ROCK2: variants seen among roughly 807,000 people sequenced by gnomAD.
ROCK2 encodes the protein rho-associated protein kinase 2.
ROCK2 carries 61 observed loss-of-function variants against 195.1 expected under a neutral mutation model. The observed-to-expected ratio is 0.31, with a 90% confidence interval of 0.25 to 0.39. The LOEUF (loss-of-function observed/expected upper bound fraction) is 0.39. Among genes scored for constraint, ROCK2 ranks in the 10% least tolerant of loss-of-function variants. ROCK2 has a pLI of 1.00. For synonymous variants in ROCK2, 504 were observed against 545.5 expected, an observed-to-expected ratio of 0.92 and a Z score of 1.06; for missense variants, 1,109 against 1,637.4, an observed-to-expected ratio of 0.68 and a Z score of 5.57.
At chr2:11,271,480 ATTTG>A (rs1666627515) in intron 3 of ROCK2, among the ~76,000 whole-genome samples, 1 of 151,008 alleles carries the variant, frequency 6.6e-6, no homozygotes, top group East Asian at 1.9e-4. Context: ...AGCCATGGCT[ATTTG>A]TTTGTCTCTC....
At chr2:11,270,022 A>T (rs1226637117) in intron 3 of ROCK2, among the ~76,000 whole-genome samples, 2 of 152,238 alleles carry the variant, frequency 1.3e-5, no homozygotes, top group African/African-American at 4.8e-5. Context: ...CCAAAGTGCC[A>T]GGATTACACG....
rs928312116 is a variant in ROCK2, at chr2:11,197,598, C to T, written c.3207G>A (p.Glu1069=). 5 of 1,613,762 alleles carry T rather than the reference C, an allele frequency of 3.1e-6. No homozygotes were observed. In the African/African-American group the frequency reaches 5.3e-5, roughly 17 times the overall value. Residue 1069 remains glutamate (E), a synonymous_variant, in exon 26 of 33, where the codon GAG becomes GAA. Coordinates refer to ENST00000315872, the MANE Select transcript of ROCK2 (RefSeq NM_004850.5). The surrounding 1 kb of genome is among the most constrained non-coding windows in gnomAD (Gnocchi z 4.9). ...TCAATTTCTCACGTTCAGATTTAAGCTCCATATGTAGCTTTCTATTCTCCT... is the reference window on the plus strand; with the variant it reads ...TCAATTTCTCACGTTCAGATTTAAGTTCCATATGTAGCTTTCTATTCTCCT... ...KEKENRKLHM[E]LKSEREKLTQ...
chr2:11,252,477 T>C (rs1049329210), intron 3 of ROCK2, among the ~76,000 whole-genome samples: 3 of 151,978 alleles, frequency 2.0e-5, no homozygotes, highest in Non-Finnish European at 4.4e-5. Context: ...TTATAAATCA[T>C]TCTACTATGA....
chr2:11,215,132 T>C, intron 15 of ROCK2, 46 bp from the exon 16 acceptor site: 2 of 1,598,550 alleles, frequency 1.3e-6, no homozygotes, highest in Non-Finnish European at 1.7e-6. Context: ...AACACACATG[T>C]ATGTAATGAA....
intron 4 of ROCK2, among the ~76,000 whole-genome samples, chr2:11,238,714 C>T (rs77607417): frequency 1.0e-3 from 155 of 152,054 alleles, no homozygotes; most frequent in African/African-American, 3.5e-3. Context: ...CAGGAATGGT[C>T]GCACACCTGT....
In ROCK2 at chr2:11,194,319, A is replaced by G; in HGVS notation, c.3545T>C (p.Ile1182Thr). The stretch of plus-strand genomic sequence containing the variant: ...ATCTTGTTCACTGTCATAGAAAAGA[A>G]TCTTCTTACTGCTTACAATCACATA... ...KKYVIVSSKK[I>T]LFYDSEQDKE... Residue 1182 changes from isoleucine to threonine, a missense_variant, in exon 29 of 33, where the codon ATT (isoleucine) becomes ACT (threonine). Ile to Thr is a moderately conservative substitution (Grantham distance 89). Transcript: ENST00000315872. 1 of 1,462,048 alleles carries G rather than the reference A, an allele frequency of 6.8e-7. No individual in the cohort carries two copies. The highest frequency in any genetic ancestry group is 9.3e-7 in the Non-Finnish European group (1 of 1,079,884). The allele number at this position is 1,462,048 out of a possible 1,614,324, so 90.6% of individuals were successfully genotyped here.
chr2:11,218,546 T>G, intron 10 of ROCK2, 80 bp from the exon 11 acceptor site: 1 of 1,003,582 alleles, frequency 1.0e-6, no homozygotes. Context: ...ACACAAACCA[T>G]AACAAAATTA....
rs1276532696 is a variant in ROCK2, at chr2:11,201,282, C to G, written c.2723+28G>C. The G allele has an allele frequency of 1.9e-6, 3 of 1,551,802 alleles. No homozygotes were observed. The highest frequency in any genetic ancestry group is 2.7e-6 in the Non-Finnish European group (3 of 1,124,946). On this transcript the variant is annotated intron_variant, in intron 22 of 32. Coordinates refer to ENST00000315872, the MANE Select transcript of ROCK2 (RefSeq NM_004850.5). This position sits in a 1 kb window ranked among gnomAD's most constrained non-coding sequence, Gnocchi z 4.6. ...TAGGAGCAAAGTATACAGCTATGAA[C>G]AAAAAGAGACAAGGGTCTCATACTT...
chr2:11,222,985 T>C (rs573475225), intron 7 of ROCK2, among the ~76,000 whole-genome samples: 211 of 152,266 alleles, frequency 1.4e-3, no homozygotes, highest in African/African-American at 4.5e-3. Flanking sequence ...GTGTACCCTG[T>C]TGTACAATTT....
At chr2:11,276,227 A>T (rs967074313) in intron 3 of ROCK2, among the ~76,000 whole-genome samples, 10 of 152,248 alleles carry the variant, frequency 6.6e-5, no homozygotes, top group African/African-American at 2.4e-4. Flanking sequence ...ATAATAAAAA[A>T]TAAATAAAAC....
intron 3 of ROCK2, among the ~76,000 whole-genome samples, chr2:11,277,228 G>A (rs879769817): frequency 3.9e-5 from 6 of 152,138 alleles, no homozygotes; most frequent in Non-Finnish European, 7.4e-5. Context: ...AAAATGTTAT[G>A]TATCCACCAA....
chr2:11,219,200 A>G (rs569875502), intron 9 of ROCK2, among the ~76,000 whole-genome samples, 174 bp from the exon 10 acceptor site: 1 of 152,130 alleles, frequency 6.6e-6, no homozygotes, highest in East Asian at 1.9e-4. Flanking sequence ...ATCATTTTCA[A>G]TAATTTAAAA....
intron 4 of ROCK2, among the ~76,000 whole-genome samples, chr2:11,244,986 T>C (rs894609590): frequency 1.3e-5 from 2 of 151,934 alleles, no homozygotes; most frequent in African/African-American, 4.8e-5. Context: ...AATCTCATTA[T>C]GCACATAGAT....
chr2:11,219,336 CAAAAAA>C (rs35159426), intron 9 of ROCK2, among the ~76,000 whole-genome samples: 567 of 67,378 alleles, frequency 8.4e-3, no homozygotes, highest in Non-Finnish European at 0.012. Flanking sequence ...CTTATCTCTA[CAAAAAA>C]AAAAAAAAAA....
chr2:11,335,103 AC>A (rs1668884901), intron 1 of ROCK2, among the ~76,000 whole-genome samples: 2 of 119,672 alleles, frequency 1.7e-5, no homozygotes, highest in African/African-American at 6.4e-5. Context: ...GTTCCCTTTG[AC>A]TGATACACAC....
At chr2:11,247,607 G>T (rs1177869725) in intron 4 of ROCK2, among the ~76,000 whole-genome samples, 1 of 152,158 alleles carries the variant, frequency 6.6e-6, no homozygotes, top group Non-Finnish European at 1.5e-5. Context: ...CAGAATTAAA[G>T]ATCAAAGAAT....
At chr2:11,324,774 G>A (rs1018149184) in intron 1 of ROCK2, among the ~76,000 whole-genome samples, 1 of 152,222 alleles carries the variant, frequency 6.6e-6, no homozygotes, top group Non-Finnish European at 1.5e-5. Flanking sequence ...AGAGATGTAT[G>A]TCTTGCTTGT....
At chr2:11,215,451 C>A in intron 14 of ROCK2, 39 bp from the exon 15 acceptor site, 1 of 1,600,664 alleles carries the variant, frequency 6.2e-7, no homozygotes, top group South Asian at 1.1e-5. Context: ...CTTAGCATAA[C>A]ACACATACAC....
rs528173335 is a variant in ROCK2, at chr2:11,267,142, C to A, written c.325-17344G>T. Among the ~76,000 whole-genome samples the A allele has an allele frequency of 5.9e-5, 9 of 152,290 alleles. No individual in the cohort carries two copies. The East Asian group carries it at 1.3e-3, about 23-fold the overall frequency. The stretch of plus-strand genomic sequence containing the variant: ...ATTCTGTATCTCTTCCATAACTACA[C>A]AGGTATGCAGAAACAATGCATCTGT... On this transcript the variant is annotated intron_variant, in intron 3 of 32. Coordinates refer to ENST00000315872, the MANE Select transcript of ROCK2 (RefSeq NM_004850.5).
Sources: allele counts gnomAD v4.1 joint callset (sites outside exome capture counted in the v4.1 genomes callset), GRCh38; gene constraint gnomAD v4.1.1; non-coding constraint Gnocchi (gnomAD v3.1); transcripts MANE v1.5; gene names NCBI Gene and HGNC (gene_info 2026-07-23, HGNC 2026-07-21).